NT5E: variants seen among roughly 807,000 people sequenced by gnomAD.
NT5E encodes the protein 5'-nucleotidase ecto.
Under a neutral mutation model 55.1 loss-of-function variants are expected in NT5E, and 53 were observed. That is an observed-to-expected ratio of 0.96 (90% CI 0.77 to 1.21). The LOEUF is 1.21. NT5E is among the 50% of genes most tolerant of loss of function. The pLI, the probability that NT5E is intolerant of heterozygous loss-of-function variation, is 0.00. For synonymous variants in NT5E, 270 were observed against 278.4 expected, an observed-to-expected ratio of 0.97 and a Z score of 0.30; for missense variants, 683 against 724.3, an observed-to-expected ratio of 0.94 and a Z score of 0.65.
In NT5E at chr6:85,489,564, G is replaced by A. The variant is rs1157292638; in HGVS notation, c.1175G>A (p.Gly392Asp). 3 of 1,613,928 alleles carry A rather than the reference G, an allele frequency of 1.9e-6. No homozygotes were observed. The highest frequency in any genetic ancestry group is 1.3e-5 in the African/African-American group (1 of 75,020). ...NHVSMCILNG[G>D]GIRSPIDERN... ...GTATCCATGTGCATTTTAAATGGAG[G>A]TGGTATCCGGTCGCCCATTGATGAA... The change falls in exon 6 of 9, where the codon GGT (glycine) becomes GAT (aspartate). Residue 392 changes from glycine to aspartate, a missense_variant. Coordinates refer to ENST00000257770, the MANE Select transcript of NT5E (RefSeq NM_002526.4).
In NT5E at chr6:85,485,504, T is replaced by G. The variant is rs541116717; in HGVS notation, c.949+72T>G. 14 of 1,443,764 alleles carry G rather than the reference T, an allele frequency of 9.7e-6. No individual in the cohort carries two copies. In the East Asian group the frequency reaches 2.3e-4, roughly 24 times the overall value. The allele number at this position is 1,443,764 out of a possible 1,614,324, so 89.4% of individuals were successfully genotyped here. A position where few individuals can be genotyped will look rare whatever the true frequency, so the allele number is the denominator to read the frequency against. ...GCTGGATATTTTGCTCCTTCCCATT[T>G]TTTTCCTTTAATGTTTCAGGAAAAG... On this transcript the variant is annotated intron_variant, in intron 4 of 8. Coordinates refer to ENST00000257770, the MANE Select transcript of NT5E (RefSeq NM_002526.4).
At chr6:85,490,786 A>C in intron 7 of NT5E, 129 bp downstream of exon 7, 1 of 967,428 alleles carries the variant, frequency 1.0e-6, no homozygotes, top group Non-Finnish European at 1.6e-6. Flanking sequence ...CCCAACACCA[A>C]TACCTTACCC....
chr6:85,490,388 A>T, intron 6 of NT5E, 120 bp from the exon 7 acceptor site: 1 of 1,145,702 alleles, frequency 8.7e-7, no homozygotes, highest in Non-Finnish European at 1.3e-6. Flanking sequence ...ATAGCTAATG[A>T]TGCTCTATAA....
chr6:85,487,182 T>G (rs1769685685), intron 4 of NT5E, among the ~76,000 whole-genome samples, 153 bp from the exon 5 acceptor site: 1 of 152,212 alleles, frequency 6.6e-6, no homozygotes, highest in Admixed American at 6.5e-5. Flanking sequence ...TAGAAGTTCC[T>G]AAGGAAATTT....
Position 85,491,855 on chromosome 6 carries a change from T to G in NT5E, c.1361-122T>G, listed in dbSNP as rs544902150. 6.4e-5 allele frequency: 54 copies of G among 845,998 alleles called. 1 individual carries two copies. In the South Asian group the frequency reaches 7.4e-4, roughly 12 times the overall value. The allele number at this position is 845,998 out of a possible 1,614,324, so 52.4% of individuals were successfully genotyped here. On this transcript the variant is annotated intron_variant, in intron 7 of 8. Coordinates refer to ENST00000257770, the MANE Select transcript of NT5E (RefSeq NM_002526.4). ...CACAATTCTCTTGACAAAATTTCAC[T>G]CAGGTTTAAACCAAAGGAAAAACCA...
Position 85,464,426 on chromosome 6 carries a change from C to T in NT5E, c.340-2634C>T, listed in dbSNP as rs112970929. ...TTCACTGCCATTCCAGAGGAAACTGCGGTTCTGAGATGTGCCCTGGGTCAC... is the reference window on the plus strand; with the variant it reads ...TTCACTGCCATTCCAGAGGAAACTGTGGTTCTGAGATGTGCCCTGGGTCAC... On this transcript the variant is annotated intron_variant, in intron 1 of 8. Transcript: ENST00000257770. 1.6e-4 allele frequency among the ~76,000 whole-genome samples: 24 copies of T among 152,214 alleles called. 2 individuals are homozygous for T. Among genetic ancestry groups the T allele is most frequent in the African/African-American group, 4.8e-4 (20 of 41,526 alleles).
At position 85,482,237 on chromosome 6, in the gene NT5E, A is replaced by G. The variant is rs191357666; in HGVS notation, c.752-2998A>G. 2.0e-5 allele frequency among the ~76,000 whole-genome samples: 3 copies of G among 152,272 alleles called. No individual in the cohort carries two copies. The East Asian group carries it at 5.8e-4, about 29-fold the overall frequency. ...CAGGCCAGGTGCGTGGCTCATGCCT[A>G]TAAGCCCAGCACTTTTGGAGGCCAA... On this transcript the variant is annotated intron_variant, in intron 3 of 8. Transcript: ENST00000257770.
At chr6:85,465,440 T>G (rs1218689658) in intron 1 of NT5E, among the ~76,000 whole-genome samples, 1 of 152,070 alleles carries the variant, frequency 6.6e-6, no homozygotes, top group Non-Finnish European at 1.5e-5. Flanking sequence ...AAAAAAATCA[T>G]AACATTCTAA....
At chr6:85,475,421 T>C (rs1769410448) in intron 3 of NT5E, among the ~76,000 whole-genome samples, 2 of 152,252 alleles carry the variant, frequency 1.3e-5, no homozygotes, top group African/African-American at 4.8e-5. Flanking sequence ...CCTTTCCAAG[T>C]ACCATGCATA....
intron 3 of NT5E, among the ~76,000 whole-genome samples, chr6:85,481,035 G>T (rs960913175): frequency 8.5e-5 from 13 of 152,194 alleles, no homozygotes; most frequent in African/African-American, 2.9e-4. Flanking sequence ...TGGCACTCAG[G>T]CATCGCTGGC....
intron 3 of NT5E, among the ~76,000 whole-genome samples, chr6:85,472,463 T>C (rs1245581152): frequency 6.6e-6 from 1 of 152,166 alleles, no homozygotes; most frequent in African/African-American, 2.4e-5. Flanking sequence ...AAGCAAAATA[T>C]AAATTATAAA....
intron 5 of NT5E, among the ~76,000 whole-genome samples, 176 bp from the exon 6 acceptor site, chr6:85,489,318 A>G (rs1200768632): frequency 6.6e-6 from 1 of 152,198 alleles, no homozygotes; most frequent in African/African-American, 2.4e-5. Flanking sequence ...TGGTAACAGT[A>G]TATTTTTACT....
intron 3 of NT5E, among the ~76,000 whole-genome samples, chr6:85,484,623 A>G (rs1769612292): frequency 6.6e-6 from 1 of 152,222 alleles, no homozygotes; most frequent in Admixed American, 6.5e-5. Flanking sequence ...GCAAACGCCA[A>G]GAACAGCTCT....
At chr6:85,484,614 C>T (rs1171995334) in intron 3 of NT5E, among the ~76,000 whole-genome samples, 2 of 152,182 alleles carry the variant, frequency 1.3e-5, no homozygotes, top group African/African-American at 2.4e-5. Flanking sequence ...AATTTAGCAG[C>T]AAACGCCAAG....
chr6:85,464,362 A>C (rs1769149190), intron 1 of NT5E, among the ~76,000 whole-genome samples: 1 of 152,184 alleles, frequency 6.6e-6, no homozygotes. Context: ...GTGCTGACTC[A>C]ATACTGGCTC....
At chr6:85,466,530 G>T (rs190596501) in intron 1 of NT5E, among the ~76,000 whole-genome samples, 1 of 152,248 alleles carries the variant, frequency 6.6e-6, no homozygotes, top group Non-Finnish European at 1.5e-5. Context: ...AAGAATTAGA[G>T]GACCACAGGA....
At chr6:85,482,531 G>C (rs527335163) in intron 3 of NT5E, among the ~76,000 whole-genome samples, 2 of 152,276 alleles carry the variant, frequency 1.3e-5, no homozygotes, top group African/African-American at 4.8e-5. Context: ...ACAGTCCTTG[G>C]TTCCCAGGAC....
intron 1 of NT5E, among the ~76,000 whole-genome samples, chr6:85,451,221 G>GGAAA (rs60109423): frequency 0.17 from 25,120 of 151,592 alleles, 2,304 homozygotes; most frequent in African/African-American, 0.25. Context: ...GTTAAGAAAA[G>GGAAA]GAAAGAAAGA....
intron 4 of NT5E, 56 bp downstream of exon 4, chr6:85,485,488 T>G: frequency 6.5e-7 from 1 of 1,549,156 alleles, no homozygotes; most frequent in Non-Finnish European, 8.9e-7. Context: ...GGCTGGATAT[T>G]TTGCTCCTTC....
Sources: allele counts gnomAD v4.1 joint callset (sites outside exome capture counted in the v4.1 genomes callset), GRCh38; gene constraint gnomAD v4.1.1; transcripts MANE v1.5; gene names NCBI Gene and HGNC (gene_info 2026-07-23, HGNC 2026-07-21).